Variants in ELAVL2 observed in about 807,000 individuals in gnomAD.
ELAVL2 encodes the protein ELAV like RNA binding protein 2, also known as ELAV-like protein 2.
Under a neutral mutation model 34.6 loss-of-function variants are expected in ELAVL2, and 4 were observed. The observed-to-expected ratio is 0.12, with a 90% CI of 0.06 to 0.26. The LOEUF (loss-of-function observed/expected upper bound fraction) is 0.26. Among genes scored for constraint, ELAVL2 ranks in the 10% least tolerant of loss-of-function variants. The pLI, the probability that ELAVL2 is intolerant of heterozygous loss-of-function variation, is 1.00. For missense variants in ELAVL2, 432 were observed against 442.8 expected (o/e 0.98, Z 0.22); for synonymous variants, 193 against 154.8 (o/e 1.25, Z -1.83).
intron 3 of ELAVL2, among the ~76,000 whole-genome samples, chr9:23,718,206 T>C (rs756526428): frequency 7.9e-5 from 12 of 152,156 alleles, no homozygotes; most frequent in Non-Finnish European, 2.9e-5. Flanking sequence ...GAAAAATTCC[T>C]AACAAATAAT....
intron 1 of ELAVL2, among the ~76,000 whole-genome samples, chr9:23,805,743 G>C (rs1469162097): frequency 6.6e-6 from 1 of 151,880 alleles, no homozygotes; most frequent in East Asian, 1.9e-4. Flanking sequence ...TCTTCTGATA[G>C]CCGAAGAGGG....
chr9:23,778,730 C>T lies in ELAVL2; in HGVS notation c.-15-16481G>A, dbSNP rs539646734. ...TTCCAAGGTCATCTAAACTGAGGAT[C>T]TTTAATTGTAGACCTAATCATCTGT... On this transcript the variant is annotated intron_variant, in intron 1 of 6. Transcript: ENST00000397312. Among the ~76,000 whole-genome samples the T allele has an allele frequency of 1.7e-3, 266 of 152,214 alleles. 2 individuals are homozygous for T. The highest frequency in any genetic ancestry group is 6.2e-3 in the African/African-American group (259 of 41,546).
At chr9:23,702,746 CATT>C (rs550648461) in intron 4 of ELAVL2, among the ~76,000 whole-genome samples, 104 of 151,952 alleles carry the variant, frequency 6.8e-4, no homozygotes, top group Middle Eastern at 3.4e-3. Context: ...ATGCATTGCA[CATT>C]ATTACCACCT....
intron 1 of ELAVL2, chr9:23,779,410 A>G: frequency 1.0e-6 from 1 of 985,442 alleles, no homozygotes; most frequent in Non-Finnish European, 1.2e-6. Flanking sequence ...TTTATAGCAC[A>G]GCAATGGAAG....
chr9:23,711,831 C>T (rs1057289980), intron 3 of ELAVL2, among the ~76,000 whole-genome samples: 1 of 152,168 alleles, frequency 6.6e-6, no homozygotes, highest in Non-Finnish European at 1.5e-5. Context: ...ACCACACACT[C>T]ACTGTAATGA....
chr9:23,715,770 C>A (rs555219781), intron 3 of ELAVL2, among the ~76,000 whole-genome samples: 7 of 152,046 alleles, frequency 4.6e-5, no homozygotes, highest in Non-Finnish European at 8.8e-5. Flanking sequence ...ACACTGTCAA[C>A]AGATTAAAAT....
intron 1 of ELAVL2, among the ~76,000 whole-genome samples, chr9:23,806,948 T>C (rs1423740366): frequency 6.6e-6 from 1 of 152,208 alleles, no homozygotes; most frequent in Non-Finnish European, 1.5e-5. Context: ...TAGAGGTTAC[T>C]GTCTATATTT....
At chr9:23,766,850 G>A (rs937184783) in intron 1 of ELAVL2, among the ~76,000 whole-genome samples, 1 of 151,910 alleles carries the variant, frequency 6.6e-6, no homozygotes, top group Admixed American at 6.6e-5. Flanking sequence ...ACAGACAACT[G>A]GGCTGTGTAC....
chr9:23,821,705 C>T (rs1327579727), intron 1 of ELAVL2: 2 of 151,864 alleles, frequency 1.3e-5, no homozygotes, highest in Admixed American at 6.6e-5. Context: ...GAGGCGGTGG[C>T]GGCGGCGGCG....
chr9:23,781,264 A>C (rs995963629), intron 1 of ELAVL2, among the ~76,000 whole-genome samples: 2 of 152,196 alleles, frequency 1.3e-5, no homozygotes, highest in Non-Finnish European at 2.9e-5. Context: ...ATGCTCTCCT[A>C]AAAACACATC....
chr9:23,710,505 G>A (rs1019245549), intron 3 of ELAVL2, among the ~76,000 whole-genome samples: 1 of 152,152 alleles, frequency 6.6e-6, no homozygotes, highest in Non-Finnish European at 1.5e-5. Flanking sequence ...AATGAACAAA[G>A]AAGTTCCCTC....
intron 2 of ELAVL2, among the ~76,000 whole-genome samples, chr9:23,743,040 A>G (rs903153399): frequency 7.2e-5 from 11 of 152,180 alleles, no homozygotes; most frequent in African/African-American, 1.7e-4. Flanking sequence ...CTGAAGCAAT[A>G]AAGAAAAGGA....
rs3838731 is a variant in ELAVL2, at chr9:23,811,331, G to GAAAA, written c.-16+14471_-16+14474dup. 1.1e-4 allele frequency among the ~76,000 whole-genome samples: 15 copies of GAAAA among 138,372 alleles called. No homozygotes were observed. In the Middle Eastern group the frequency reaches 0.015, roughly 142 times the overall value. 90.8% of individuals were successfully genotyped at this position (138,372 alleles called of 152,430 possible). A position where few individuals can be genotyped will look rare whatever the true frequency, so the allele number is the denominator to read the frequency against. ...ACAAGCTGTTCGATCACCTTTCAAG[G>GAAAA]AAAAAAAAAAAAACCCACGAAACAG... is the stretch of plus-strand genomic sequence containing the variant. On this transcript the variant is annotated intron_variant, in intron 1 of 6. Coordinates refer to ENST00000397312, the MANE Select transcript of ELAVL2 (RefSeq NM_004432.5).
At chr9:23,736,318 A>G (rs986071721) in intron 2 of ELAVL2, among the ~76,000 whole-genome samples, 2 of 152,216 alleles carry the variant, frequency 1.3e-5, no homozygotes, top group Admixed American at 6.5e-5. Flanking sequence ...CTCATCTACA[A>G]TAAGCATTCA....
At chr9:23,783,650 G>A (rs1439432114) in intron 1 of ELAVL2, among the ~76,000 whole-genome samples, 1 of 152,124 alleles carries the variant, frequency 6.6e-6, no homozygotes, top group East Asian at 1.9e-4. Context: ...CTATGTGCAG[G>A]GCACTGTGCT....
At chr9:23,694,530 G>T (rs35532150) in intron 5 of ELAVL2, among the ~76,000 whole-genome samples, 9,994 of 151,792 alleles carry the variant, frequency 0.066, 437 homozygotes, top group Middle Eastern at 0.092. Context: ...TCCCAGGGTT[G>T]TCCCTCTGGG....
At chr9:23,700,150 T>G (rs1304038455) in intron 5 of ELAVL2, among the ~76,000 whole-genome samples, 3 of 152,200 alleles carry the variant, frequency 2.0e-5, no homozygotes, top group African/African-American at 7.2e-5. Flanking sequence ...TATTTGTGAT[T>G]ATATTTTTGG....
At position 23,713,548 on chromosome 9, in the gene ELAVL2, G is replaced by A. The variant is rs146378259; in HGVS notation, c.334-8477C>T. Among the ~76,000 whole-genome samples the A allele has an allele frequency of 1.8e-3, 267 of 152,240 alleles. 1 individual carries two copies. Among genetic ancestry groups the A allele is most frequent in the African/African-American group, 6.2e-3 (256 of 41,554 alleles). ...TGGGAGTTTTAGCGTAACCACCAAA[G>A]AGTCTATTCCTACCGGTAGCTCTCT... On this transcript the variant is annotated intron_variant, in intron 3 of 6. Transcript: ENST00000397312.
chr9:23,720,168 C>A (rs1052513892), intron 3 of ELAVL2, among the ~76,000 whole-genome samples: 1 of 148,720 alleles, frequency 6.7e-6, no homozygotes, highest in East Asian at 2.1e-4. Flanking sequence ...CTCTATAAGA[C>A]ACCCTTTCAC....
Sources: gnomAD v4.1 joint callset for allele counts (sites outside exome capture counted in the v4.1 genomes callset) on GRCh38, gnomAD v4.1.1 for gene constraint, MANE v1.5 for transcripts, NCBI Gene and HGNC (gene_info 2026-07-23, HGNC 2026-07-21) for gene names.